The following PLCD3 variants were observed in gnomAD, a reference collection of about 807,000 sequenced individuals.
PLCD3 encodes the protein 1-phosphatidylinositol 4,5-bisphosphate phosphodiesterase delta-3.
Under a neutral mutation model 82.8 loss-of-function variants are expected in PLCD3, and 62 were observed. The observed-to-expected ratio is 0.75, with a 90% confidence interval of 0.61 to 0.93. The LOEUF (loss-of-function observed/expected upper bound fraction) is 0.93, where lower values mean the gene tolerates loss of function less well. Ranked by LOEUF, PLCD3 falls within the 40% of genes least tolerant of loss-of-function variation. PLCD3 has a pLI of 0.00. For missense variants in PLCD3, 1,023 were observed against 1,103.4 expected (o/e 0.93, Z 1.03); for synonymous variants, 478 against 471.8 (o/e 1.01, Z -0.17).
intron 7 of PLCD3, among the ~76,000 whole-genome samples, chr17:45,117,545 A>G (rs967571636): frequency 6.6e-6 from 1 of 152,132 alleles, no homozygotes; most frequent in Non-Finnish European, 1.5e-5. Flanking sequence ...TGGTCCCATA[A>G]ATGCTTTTTA....
chr17:45,118,038 G>GA lies in PLCD3; in HGVS notation c.1215dup (p.Leu406SerfsTer100). 6.2e-7 allele frequency: 1 copy of GA among 1,613,790 alleles called. No homozygotes were observed. Among genetic ancestry groups the GA allele is most frequent in the East Asian group, 2.2e-5 (1 of 44,874 alleles). The stretch of plus-strand genomic sequence containing the variant: ...ACGGCTTGGACCACGTCCCGGAAGA[G>GA]AATCTTGGAGGTGAGGGTATGGCCA... On this transcript the variant is annotated frameshift_variant, in exon 7 of 15. Transcript: ENST00000619929. LOFTEE classifies it high-confidence loss of function. This position sits in a 1 kb window ranked among gnomAD's most constrained non-coding sequence, Gnocchi z 4.1.
At chr17:45,120,271 C>T in intron 4 of PLCD3, 54 bp downstream of exon 4, 1 of 1,609,816 alleles carries the variant, frequency 6.2e-7, no homozygotes, top group Non-Finnish European at 8.5e-7. Context: ...TGGGGGCAGG[C>T]AGAGGTCAGA....
Position 45,121,373 on chromosome 17 carries a change from CTGGCGGGGCGGGAGGA to C in PLCD3, c.164-17_164-2del. The C allele has an allele frequency of 6.6e-7, 1 of 1,508,200 alleles. No individual in the cohort carries two copies. Among genetic ancestry groups the C allele is most frequent in the Non-Finnish European group, 8.8e-7 (1 of 1,134,664 alleles). 93.4% of individuals were successfully genotyped at this position (1,508,200 alleles called of 1,614,324 possible). On this transcript the variant is annotated splice_acceptor_variant and splice_polypyrimidine_tract_variant and intron_variant, in intron 1 of 14. Coordinates refer to ENST00000619929, the MANE Select transcript of PLCD3 (RefSeq NM_133373.5). LOFTEE classifies it high-confidence loss of function. ...CGCACGTCCTCGTCCTCCGTCAGGC[CTGGCGGGGCGGGAGGA>C]CCCGGGGCGTCAGGCCGTACCTGCC...
chr17:45,126,464 G>A (rs914032482), intron 1 of PLCD3, among the ~76,000 whole-genome samples: 5 of 142,788 alleles, frequency 3.5e-5, no homozygotes, highest in Non-Finnish European at 6.0e-5. Context: ...AGTGATTTCC[G>A]GCTAATTGTT....
rs2054473525 is a variant in PLCD3 at position 45,132,335 on chromosome 17, C to G, written c.76G>C (p.Val26Leu). The change falls in exon 1 of 15, where the codon GTC becomes CTC. Residue 26 changes from valine (V) to leucine (L), a missense_variant. By Grantham distance (32) the Val-to-Leu change is conservative. Transcript: ENST00000619929. This position sits in a 1 kb window ranked among gnomAD's most constrained non-coding sequence, Gnocchi z 4.6. ...GACGGGAGAGCGACCGGCGCCGCGA[C>G]TTGGGCTGCGACCTGGGCGGCCACC... ...PPVAAQVAAQ[V>L]AAPVALPSPP... The G allele has an allele frequency of 8.1e-7, 1 of 1,235,588 alleles. No homozygotes were observed. Among genetic ancestry groups the G allele is most frequent in the African/African-American group, 1.5e-5 (1 of 64,586 alleles). The allele number at this position is 1,235,588 out of a possible 1,614,324, so 76.5% of individuals were successfully genotyped here.
In PLCD3 at chr17:45,118,806, C is replaced by A. The variant is rs759326720; in HGVS notation, c.913+9G>T. ...AGGTGCCACGACCTGGCCGTGCCACCCCCCCCACCTGTCTCGTTGAGCTCA... is the reference window on the plus strand; with the variant it reads ...AGGTGCCACGACCTGGCCGTGCCACACCCCCCACCTGTCTCGTTGAGCTCA... On this transcript the variant is annotated intron_variant, in intron 5 of 14. Coordinates refer to ENST00000619929, the MANE Select transcript of PLCD3 (RefSeq NM_133373.5). The surrounding 1 kb of genome is among the most constrained non-coding windows in gnomAD (Gnocchi z 4.1). 3.8e-6 allele frequency: 6 copies of A among 1,594,276 alleles called. No individual in the cohort carries two copies. The highest frequency in any genetic ancestry group is 4.5e-5 in the East Asian group (2 of 44,442).
At chr17:45,115,306 T>G (rs764523188) in intron 9 of PLCD3, 38 bp downstream of exon 9, 3 of 1,506,084 alleles carry the variant, frequency 2.0e-6, no homozygotes, top group East Asian at 2.5e-5. Flanking sequence ...TCCTCCCACC[T>G]TCCCCCCCTT....
chr17:45,118,463 C>T lies in PLCD3; in HGVS notation c.943G>A (p.Gly315Ser), dbSNP rs2054309200. 6.2e-7 allele frequency: 1 copy of T among 1,613,960 alleles called. No individual in the cohort carries two copies. Among genetic ancestry groups the T allele is most frequent in the South Asian group, 1.1e-5 (1 of 91,088 alleles). ...GGCGACAACAGGTACATCATGAAGC[C>T]ATCCAGTGTCATCAGCTCATGCTGC... is the stretch of plus-strand genomic sequence containing the variant. Reference protein sequence around the residue: ...AKQHELMTLDGFMMYLLSPEG... With the variant: ...AKQHELMTLDSFMMYLLSPEG... The change falls in exon 6 of 15, where the codon GGC becomes AGC. Residue 315 changes from glycine to serine, a missense_variant. Gly to Ser is a moderately conservative substitution (Grantham distance 56). This residue lies in a region of PLCD3 where 553 missense variants were observed against 655.7 expected (regional missense o/e 0.84). Transcript: ENST00000619929. The surrounding 1 kb of genome is among the most constrained non-coding windows in gnomAD (Gnocchi z 4.1).
Position 45,118,271 on chromosome 17 carries a change from T to A in PLCD3, c.1115+20A>T, listed in dbSNP as rs1268617978. The A allele has an allele frequency of 1.9e-6, 3 of 1,613,714 alleles. No individual in the cohort carries two copies. The highest frequency in any genetic ancestry group is 2.5e-6 in the Non-Finnish European group (3 of 1,179,732). On this transcript the variant is annotated intron_variant, in intron 6 of 14. Coordinates refer to ENST00000619929, the MANE Select transcript of PLCD3 (RefSeq NM_133373.5). This position sits in a 1 kb window ranked among gnomAD's most constrained non-coding sequence, Gnocchi z 4.1. ...TCCCCAGGTGGGGCTCCCGGAAACA[T>A]TCACCCCCTGCTACAGTACCTAACA... is the stretch of plus-strand genomic sequence containing the variant.
At chr17:45,114,062 G>A (rs184917832) in intron 11 of PLCD3, among the ~76,000 whole-genome samples, 188 bp downstream of exon 11, 23 of 152,276 alleles carry the variant, frequency 1.5e-4, no homozygotes, top group African/African-American at 4.6e-4. Flanking sequence ...ATAAAAATGC[G>A]AGACCTGTAC....
In PLCD3 at chr17:45,120,463, G is replaced by A. The variant is rs1410585922; in HGVS notation, c.555-9C>T. 2 of 1,613,760 alleles carry A rather than the reference G, an allele frequency of 1.2e-6. No homozygotes were observed. Among genetic ancestry groups the A allele is most frequent in the Non-Finnish European group, 1.7e-6 (2 of 1,179,840 alleles). On this transcript the variant is annotated splice_polypyrimidine_tract_variant and intron_variant, in intron 3 of 14. Coordinates refer to ENST00000619929, the MANE Select transcript of PLCD3 (RefSeq NM_133373.5). ...GATAGGAGTGGATCCAGGTGTGGGT[G>A]CTCAGGAAATAACAGCAACACGCCA... is the stretch of plus-strand genomic sequence containing the variant.
Position 45,118,554 on chromosome 17 carries a change from T to A in PLCD3, c.914-62A>T. 1 of 1,575,710 alleles carries A rather than the reference T, an allele frequency of 6.3e-7. No individual in the cohort carries two copies. The highest frequency in any genetic ancestry group is 1.1e-5 in the South Asian group (1 of 87,852). On this transcript the variant is annotated intron_variant, in intron 5 of 14. Transcript: ENST00000619929. This position sits in a 1 kb window ranked among gnomAD's most constrained non-coding sequence, Gnocchi z 4.1. ...GGGATCCCCCATGTCCAGCTTCCAA[T>A]GCCCCCAAGGCCCACTCAGCTTAGG...
intron 1 of PLCD3, among the ~76,000 whole-genome samples, chr17:45,123,062 C>T (rs938564496): frequency 2.0e-5 from 3 of 152,210 alleles, no homozygotes; most frequent in Admixed American, 6.5e-5. Context: ...CAGAGGGCCT[C>T]TCTTCCTCCC....
intron 4 of PLCD3, among the ~76,000 whole-genome samples, chr17:45,119,717 C>A (rs183599920): frequency 6.6e-6 from 1 of 152,204 alleles, no homozygotes; most frequent in African/African-American, 2.4e-5. Context: ...TCACACCCAG[C>A]ATCATTGAAC....
intron 1 of PLCD3, among the ~76,000 whole-genome samples, chr17:45,131,967 G>A (rs1485644474): frequency 6.6e-6 from 1 of 152,126 alleles, no homozygotes; most frequent in Non-Finnish European, 1.5e-5. Flanking sequence ...CATTCTCCTT[G>A]GAGACCCCAC....
intron 11 of PLCD3, 47 bp downstream of exon 11, chr17:45,114,203 C>T: frequency 1.4e-6 from 2 of 1,433,482 alleles, no homozygotes; most frequent in South Asian, 1.4e-5. Context: ...AGGCCTCCCC[C>T]ACACTGTGGC....
chr17:45,124,758 C>T (rs891870426), intron 1 of PLCD3, among the ~76,000 whole-genome samples: 3 of 152,386 alleles, frequency 2.0e-5, no homozygotes, highest in African/African-American at 4.8e-5. Flanking sequence ...AGCCGCCCAC[C>T]TCCTACTGTT....
chr17:45,115,566 C>T, intron 8 of PLCD3, 76 bp from the exon 9 acceptor site: 1 of 1,371,788 alleles, frequency 7.3e-7, no homozygotes, highest in Non-Finnish European at 1.0e-6. Flanking sequence ...GTTATTCAAC[C>T]ACCGCCTTGT....
chr17:45,114,776 A>G (rs2143550629), intron 10 of PLCD3, among the ~76,000 whole-genome samples: 1 of 152,138 alleles, frequency 6.6e-6, no homozygotes, highest in East Asian at 1.9e-4. Flanking sequence ...TCCTCTCAGC[A>G]TCACCTGCCC....
Sources: allele counts gnomAD v4.1 joint callset (sites outside exome capture counted in the v4.1 genomes callset), GRCh38; gene constraint gnomAD v4.1.1; regional missense constraint gnomAD v4.1.1; non-coding constraint Gnocchi (gnomAD v3.1); transcripts MANE v1.5; gene names NCBI Gene and HGNC (gene_info 2026-07-23, HGNC 2026-07-21).